RBFOX2: variants seen among roughly 807,000 people sequenced by gnomAD.
RBFOX2 encodes RNA binding fox-1 homolog 2, also known as RNA binding protein fox-1 homolog 2.
RBFOX2 carries 10 observed loss-of-function variants against 49.1 expected under a neutral mutation model. The observed-to-expected ratio is 0.20, with a 90% CI of 0.13 to 0.35. RBFOX2 has a LOEUF of 0.35. RBFOX2 is among the 10% of genes least tolerant of loss of function. The pLI is 1.00. For missense variants in RBFOX2, 323 were observed against 486.9 expected (o/e 0.66, Z 3.17); for synonymous variants, 183 against 187.4 (o/e 0.98, Z 0.19).
chr22:35,819,930 G>A (rs989453071), intron 1 of RBFOX2, among the ~76,000 whole-genome samples: 4 of 152,128 alleles, frequency 2.6e-5, no homozygotes, highest in African/African-American at 9.7e-5. Flanking sequence ...CAAGCTATAC[G>A]TGTATCTGGA....
intron 1 of RBFOX2, among the ~76,000 whole-genome samples, chr22:36,025,894 T>A (rs974998554): frequency 1.3e-5 from 2 of 152,066 alleles, no homozygotes; most frequent in South Asian, 4.1e-4. Flanking sequence ...GCAGAACCAT[T>A]CAGCTAGTTG....
chr22:35,819,372 A>T (rs527804695), intron 1 of RBFOX2, among the ~76,000 whole-genome samples: 45 of 152,346 alleles, frequency 3.0e-4, no homozygotes, highest in Non-Finnish European at 5.4e-4. Flanking sequence ...AAGAAAAATG[A>T]GCCATTGCTC....
At chr22:35,816,659 T>C (rs1200289177) in intron 1 of RBFOX2, among the ~76,000 whole-genome samples, 1 of 152,196 alleles carries the variant, frequency 6.6e-6, no homozygotes, top group East Asian at 1.9e-4. Flanking sequence ...TGTCTGGAAC[T>C]TACTGAATGG....
At chr22:35,784,197 A>G (rs566018797) in intron 2 of RBFOX2, among the ~76,000 whole-genome samples, 32 of 152,362 alleles carry the variant, frequency 2.1e-4, no homozygotes, top group African/African-American at 6.3e-4. Flanking sequence ...TGAAGAGTAC[A>G]TAAGTTAGTT....
chr22:36,028,166 C>A, intron 1 of RBFOX2, 74 bp downstream of exon 1: 1 of 1,369,362 alleles, frequency 7.3e-7, no homozygotes, highest in Non-Finnish European at 9.4e-7. Flanking sequence ...CTCCCTCTCT[C>A]CAAGCCGGGG....
At chr22:36,018,092 G>A (rs565571170) in intron 1 of RBFOX2, among the ~76,000 whole-genome samples, 8 of 152,332 alleles carry the variant, frequency 5.3e-5, no homozygotes, top group Non-Finnish European at 7.4e-5. Context: ...GAAGCAGGAA[G>A]ACAAAGTTCA....
chr22:35,776,015 A>G (rs1943842827), intron 4 of RBFOX2, among the ~76,000 whole-genome samples: 1 of 152,182 alleles, frequency 6.6e-6, no homozygotes, highest in African/African-American at 2.4e-5. Context: ...ATGAAACTAC[A>G]TTGGCCTTCT....
chr22:35,898,422 T>A, intron 1 of RBFOX2: 2 of 316,094 alleles, frequency 6.3e-6, no homozygotes, highest in Non-Finnish European at 1.2e-5. Context: ...CACAATCCTT[T>A]TTTTTTTTTT....
intron 1 of RBFOX2, among the ~76,000 whole-genome samples, chr22:35,878,103 T>C (rs2045396064): frequency 6.6e-6 from 1 of 151,160 alleles, no homozygotes. Context: ...TTTTTAAAGA[T>C]ACAGGGTCTC....
intron 1 of RBFOX2, among the ~76,000 whole-genome samples, chr22:36,017,053 C>T (rs140442800): frequency 1.3e-5 from 2 of 152,088 alleles, no homozygotes; most frequent in Non-Finnish European, 2.9e-5. Context: ...AAAGTGAAGT[C>T]GGAGGGGAGA....
At chr22:36,008,891 A>ATCTT (rs1880858225) in intron 1 of RBFOX2, among the ~76,000 whole-genome samples, 2 of 152,198 alleles carry the variant, frequency 1.3e-5, no homozygotes, top group Non-Finnish European at 2.9e-5. Context: ...AGTAAAATAT[A>ATCTT]CAATCTATCT....
intron 9 of RBFOX2, among the ~76,000 whole-genome samples, chr22:35,751,219 A>AT: frequency 6.6e-6 from 1 of 152,252 alleles, no homozygotes; most frequent in East Asian, 1.9e-4. Flanking sequence ...ATTTTATTAT[A>AT]TTTTTGTTTT....
chr22:35,779,952 G>A (rs138643301), intron 3 of RBFOX2, among the ~76,000 whole-genome samples: 9 of 152,294 alleles, frequency 5.9e-5, no homozygotes, highest in Admixed American at 5.9e-4. Flanking sequence ...TCTGGCAGAT[G>A]AGAATGTACT....
chr22:35,831,964 A>G (rs1317584062), intron 1 of RBFOX2, among the ~76,000 whole-genome samples: 1 of 152,188 alleles, frequency 6.6e-6, no homozygotes, highest in Non-Finnish European at 1.5e-5. Context: ...CATGCTTTAT[A>G]GTGGAGAGAA....
At chr22:35,971,791 G>A (rs1026197225) in intron 1 of RBFOX2, among the ~76,000 whole-genome samples, 1 of 151,862 alleles carries the variant, frequency 6.6e-6, no homozygotes, top group Non-Finnish European at 1.5e-5. Flanking sequence ...AGGAAGTGCT[G>A]AGGGGGCCTT....
intron 1 of RBFOX2, among the ~76,000 whole-genome samples, chr22:35,978,493 T>TC: frequency 6.6e-6 from 1 of 152,298 alleles, no homozygotes; most frequent in South Asian, 2.1e-4. Context: ...CTAATTACTA[T>TC]CCTCCATTTA....
At chr22:35,761,069 T>A in intron 8 of RBFOX2, 133 bp downstream of exon 9, 1 of 730,970 alleles carries the variant, frequency 1.4e-6, no homozygotes, top group Non-Finnish European at 2.3e-6. Flanking sequence ...GACAGGGCAC[T>A]GGGATAGTAT....
At chr22:35,872,392 A>G (rs749179916) in intron 1 of RBFOX2, among the ~76,000 whole-genome samples, 1 of 152,054 alleles carries the variant, frequency 6.6e-6, no homozygotes, top group Admixed American at 6.5e-5. Context: ...GACTTGTGTT[A>G]ATCAGCTCAA....
Position 35,986,936 on chromosome 22 carries a change from TAG to T in RBFOX2, c.186+41302_186+41303del, listed in dbSNP as rs1569519115. ...CATAAACTCTTACTTCACTGGAAAA[TAG>T]AGTTTTGTATAAAGATCTCTTTTTT... On this transcript the variant is annotated intron_variant, in intron 1 of 13. Transcript: ENST00000438146. 2.0e-5 allele frequency among the ~76,000 whole-genome samples: 3 copies of T among 151,666 alleles called. No homozygotes were observed. The East Asian group carries it at 5.8e-4, about 29-fold the overall frequency.
Sources: gnomAD v4.1 joint callset for allele counts (sites outside exome capture counted in the v4.1 genomes callset) on GRCh38, gnomAD v4.1.1 for gene constraint, MANE v1.5 for transcripts, NCBI Gene and HGNC (gene_info 2026-07-23, HGNC 2026-07-21) for gene names.